BABAM2: variants seen among roughly 807,000 people sequenced by gnomAD.
The protein encoded by BABAM2 is BRISC and BRCA1 A complex member 2.
In BABAM2, 31 loss-of-function variants were observed where a neutral mutation model predicts 54.7. That is an observed-to-expected ratio of 0.57 (90% CI 0.43 to 0.77). BABAM2 has a LOEUF of 0.77. Ranked by LOEUF, BABAM2 falls within the 30% of genes least tolerant of loss-of-function variation. The pLI is 0.00. For missense variants in BABAM2, 364 were observed against 455.8 expected (o/e 0.80, Z 1.83); for synonymous variants, 167 against 162.9 (o/e 1.03, Z -0.19).
intron 3 of BABAM2, among the ~76,000 whole-genome samples, chr2:27,934,929 A>T (rs758436718): frequency 6.6e-6 from 1 of 152,264 alleles, no homozygotes; most frequent in African/African-American, 2.4e-5. Flanking sequence ...TCTATCACAC[A>T]GAAGTGCAAG....
chr2:27,936,757 A>G (rs535592518), intron 3 of BABAM2, among the ~76,000 whole-genome samples: 71 of 151,562 alleles, frequency 4.7e-4, no homozygotes, highest in African/African-American at 1.7e-3. Flanking sequence ...ATGAGAACAC[A>G]TGGACACAGG....
intron 5 of BABAM2, among the ~76,000 whole-genome samples, chr2:28,033,372 G>T (rs1007151503): frequency 2.6e-5 from 4 of 152,008 alleles, no homozygotes; most frequent in African/African-American, 7.3e-5. Flanking sequence ...TAAAGAAAAG[G>T]AATTTATTCC....
chr2:28,006,918 A>G (rs1674018674), intron 4 of BABAM2, among the ~76,000 whole-genome samples: 2 of 152,036 alleles, frequency 1.3e-5, no homozygotes, highest in Admixed American at 1.3e-4. Flanking sequence ...TATATGGATT[A>G]ATCCAATATT....
At chr2:28,291,344 G>A (rs147339096) in intron 10 of BABAM2, among the ~76,000 whole-genome samples, 114 of 152,296 alleles carry the variant, frequency 7.5e-4, no homozygotes, top group African/African-American at 2.7e-3. Context: ...TATAATCCCA[G>A]CACTTTGGGA....
chr2:28,272,082 G>A (rs1448416993), intron 10 of BABAM2, among the ~76,000 whole-genome samples: 2 of 152,196 alleles, frequency 1.3e-5, no homozygotes, highest in East Asian at 1.9e-4. Flanking sequence ...CATCCAAGAG[G>A]AGGTGGTTTT....
intron 6 of BABAM2, among the ~76,000 whole-genome samples, chr2:28,112,951 A>T (rs977022472): frequency 6.6e-6 from 1 of 152,144 alleles, no homozygotes; most frequent in African/African-American, 2.4e-5. Flanking sequence ...TTCTCTAATG[A>T]CCGGTGATGA....
chr2:28,238,790 C>A (rs1032075393), intron 8 of BABAM2, among the ~76,000 whole-genome samples: 23 of 152,084 alleles, frequency 1.5e-4, no homozygotes, highest in African/African-American at 5.3e-4. Context: ...AGAAGAAAAG[C>A]CTTTTTAAAG....
intron 3 of BABAM2, among the ~76,000 whole-genome samples, chr2:27,946,974 T>G (rs1669346004): frequency 6.6e-6 from 1 of 152,202 alleles, no homozygotes; most frequent in Non-Finnish European, 1.5e-5. Context: ...ATTGTGTCTT[T>G]TCTCTGCTTT....
At chr2:28,104,949 A>G (rs1181474494) in intron 6 of BABAM2, among the ~76,000 whole-genome samples, 2 of 151,994 alleles carry the variant, frequency 1.3e-5, no homozygotes, top group African/African-American at 4.8e-5. Flanking sequence ...ACAAAAAACC[A>G]AACACTGCAT....
At chr2:27,964,358 GA>G (rs1365692045) in intron 3 of BABAM2, among the ~76,000 whole-genome samples, 4 of 152,168 alleles carry the variant, frequency 2.6e-5, no homozygotes, top group African/African-American at 4.8e-5. Flanking sequence ...GGTATTCTGT[GA>G]TAGTAACACA....
At chr2:28,035,973 G>C (rs745339452) in intron 5 of BABAM2, among the ~76,000 whole-genome samples, 1 of 152,096 alleles carries the variant, frequency 6.6e-6, no homozygotes, top group African/African-American at 2.4e-5. Flanking sequence ...GGAAGCATAC[G>C]AAACACAAAG....
intron 7 of BABAM2, among the ~76,000 whole-genome samples, chr2:28,140,953 C>T (rs773075820): frequency 2.4e-4 from 37 of 152,088 alleles, no homozygotes; most frequent in Non-Finnish European, 2.9e-5. Context: ...TGGTGATGAC[C>T]CTTTTCCTAG....
intron 10 of BABAM2, among the ~76,000 whole-genome samples, chr2:28,291,326 T>C (rs1687265068): frequency 6.6e-6 from 1 of 152,160 alleles, no homozygotes; most frequent in African/African-American, 2.4e-5. Flanking sequence ...GGCATAGTGG[T>C]TCACATCTAT....
chr2:28,227,288 C>T lies in BABAM2; in HGVS notation c.681-9914C>T, dbSNP rs6705659. 8.5e-3 allele frequency among the ~76,000 whole-genome samples: 1,297 copies of T among 152,136 alleles called. 19 individuals are homozygous for T. Among genetic ancestry groups the T allele is most frequent in the Non-Finnish European group, 0.014 (982 of 68,012 alleles). On this transcript the variant is annotated intron_variant, in intron 7 of 11. Transcript: ENST00000379624. ...TCTTGCTTCCTCTCTAGGTAGATACCCCTCACCAGTAGGCACCCTGGGCAG... is the reference window on the plus strand; with the variant it reads ...TCTTGCTTCCTCTCTAGGTAGATACTCCTCACCAGTAGGCACCCTGGGCAG...
In BABAM2 at chr2:28,214,946, C is replaced by T. The variant is rs186583085; in HGVS notation, c.681-22256C>T. On this transcript the variant is annotated intron_variant, in intron 7 of 11. Coordinates refer to ENST00000379624, the MANE Select transcript of BABAM2 (RefSeq NM_199191.3). The stretch of plus-strand genomic sequence containing the variant: ...TAAATATGATAAAAGGAGAAAGATT[C>T]CAGAGAAAGCAATTTGGGATATGAA... Among the ~76,000 whole-genome samples, 141 of 152,070 alleles carry T rather than the reference C, an allele frequency of 9.3e-4. 1 individual carries two copies. Among genetic ancestry groups the T allele is most frequent in the Middle Eastern group, 3.4e-3 (1 of 294 alleles).
chr2:28,143,507 A>AAC (rs771650942), intron 7 of BABAM2, among the ~76,000 whole-genome samples: 1 of 152,142 alleles, frequency 6.6e-6, no homozygotes, highest in Non-Finnish European at 1.5e-5. Flanking sequence ...ATGTGCTTTT[A>AAC]ACACACACAC....
intron 3 of BABAM2, among the ~76,000 whole-genome samples, chr2:27,933,653 C>T (rs1668267411): frequency 6.6e-6 from 1 of 151,690 alleles, no homozygotes; most frequent in East Asian, 1.9e-4. Context: ...ATTTTAGAGA[C>T]AGGGTTTCAC....
At chr2:28,282,983 G>A (rs369506828) in intron 10 of BABAM2, among the ~76,000 whole-genome samples, 1 of 55,032 alleles carries the variant, frequency 1.8e-5, no homozygotes, top group Non-Finnish European at 3.8e-5. Flanking sequence ...AGGCAGCAGA[G>A]CGAGACTCCG....
chr2:28,179,050 A>G (rs1675335207), intron 7 of BABAM2, among the ~76,000 whole-genome samples: 2 of 152,164 alleles, frequency 1.3e-5, no homozygotes, highest in Admixed American at 1.3e-4. Context: ...GCCAAATTCT[A>G]CCAAACTTAT....
Sources: allele counts gnomAD v4.1 joint callset (sites outside exome capture counted in the v4.1 genomes callset), GRCh38; gene constraint gnomAD v4.1.1; transcripts MANE v1.5; gene names NCBI Gene and HGNC (gene_info 2026-07-23, HGNC 2026-07-21).